Variants in CAMTA1 observed in about 807,000 individuals in gnomAD.
The protein encoded by CAMTA1 is calmodulin binding transcription activator 1, also known as calmodulin-binding transcription activator 1.
A neutral mutation model predicts 170.9 loss-of-function variants in CAMTA1; 27 were observed. The ratio of observed to expected loss-of-function variants is 0.16; its 90% CI spans 0.12 to 0.22. CAMTA1 has a LOEUF of 0.22. Ranked by LOEUF, CAMTA1 falls within the 10% of genes least tolerant of loss-of-function variation. The pLI, the probability that CAMTA1 is intolerant of heterozygous loss-of-function variation, is 1.00. For synonymous variants in CAMTA1, 833 were observed against 891.5 expected (o/e 0.93, Z 1.17); for missense variants, 1,619 against 2,217.2 (o/e 0.73, Z 5.42).
At position 7,593,189 on chromosome 1, in the gene CAMTA1, A is replaced by G. The variant is rs2095368060; in HGVS notation, c.511-47211A>G. On this transcript the variant is annotated intron_variant, in intron 6 of 22. Transcript: ENST00000303635. ...CAGTCAAGACATTCCAGGGGGAGAAACAGCATATCTTGCACAGTGAATCAC... is the reference window on the plus strand; with the variant it reads ...CAGTCAAGACATTCCAGGGGGAGAAGCAGCATATCTTGCACAGTGAATCAC... 3.9e-5 allele frequency among the ~76,000 whole-genome samples: 6 copies of G among 152,254 alleles called. No individual in the cohort carries two copies. The South Asian group carries it at 1.2e-3, about 32-fold the overall frequency.
rs541402630 is a variant in CAMTA1, at chr1:7,449,630, C to T, written c.439-18200C>T. Among the ~76,000 whole-genome samples, 8 of 151,968 alleles carry T rather than the reference C, an allele frequency of 5.3e-5. No homozygotes were observed. The South Asian group carries it at 6.3e-4, about 12-fold the overall frequency. On this transcript the variant is annotated intron_variant, in intron 5 of 22. Coordinates refer to ENST00000303635, the MANE Select transcript of CAMTA1 (RefSeq NM_015215.4). ...ACTGAAAATACAAAAATTAGCTGGG[C>T]GTCATGGTGCATGTCTGTAATCCCA...
intron 6 of CAMTA1, among the ~76,000 whole-genome samples, chr1:7,544,818 G>A (rs2094668063): frequency 1.3e-5 from 2 of 152,152 alleles, no homozygotes; most frequent in Admixed American, 6.5e-5. Flanking sequence ...GGCAAGAGAG[G>A]AAGCAAGAGA....
chr1:7,352,368 C>T (rs1557571539), intron 5 of CAMTA1, among the ~76,000 whole-genome samples: 1 of 152,122 alleles, frequency 6.6e-6, no homozygotes, highest in African/African-American at 2.4e-5. Context: ...TTGGCACCCC[C>T]TAGAAAGGGT....
intron 3 of CAMTA1, among the ~76,000 whole-genome samples, chr1:6,850,341 CT>C (rs1255060163): frequency 2.6e-5 from 4 of 152,144 alleles, no homozygotes; most frequent in Non-Finnish European, 5.9e-5. Flanking sequence ...GTTTAATATC[CT>C]TCATATCTAA....
At chr1:7,265,577 G>A (rs1345352641) in intron 5 of CAMTA1, among the ~76,000 whole-genome samples, 1 of 152,184 alleles carries the variant, frequency 6.6e-6, no homozygotes, top group Admixed American at 6.5e-5. Context: ...GCCTCCTAAA[G>A]TGCTGGGATT....
chr1:6,830,290 C>T (rs572959164), intron 3 of CAMTA1, among the ~76,000 whole-genome samples: 8 of 150,972 alleles, frequency 5.3e-5, no homozygotes, highest in East Asian at 3.9e-4. Context: ...GTGATCCGCC[C>T]GCCTTGGTGT....
chr1:7,148,432 C>G (rs1451608620), intron 4 of CAMTA1, among the ~76,000 whole-genome samples: 2 of 151,980 alleles, frequency 1.3e-5, no homozygotes, highest in Non-Finnish European at 2.9e-5. Flanking sequence ...CCCTCCCCCC[C>G]CGCCACGCTC....
intron 3 of CAMTA1, among the ~76,000 whole-genome samples, chr1:6,844,691 A>G (rs1156367281): frequency 6.8e-5 from 5 of 73,160 alleles, no homozygotes; most frequent in Admixed American, 1.3e-4. Context: ...CCCTGTGTCC[A>G]AAAAAAAAAA....
chr1:7,526,797 G>T (rs1321421587), intron 6 of CAMTA1, among the ~76,000 whole-genome samples: 1 of 152,210 alleles, frequency 6.6e-6, no homozygotes, highest in Non-Finnish European at 1.5e-5. Flanking sequence ...GCTGACATGA[G>T]GAGGCCCTGG....
At position 7,766,613 on chromosome 1, in the gene CAMTA1, A is replaced by C; in HGVS notation, c.*122A>C. 1.2e-6 allele frequency: 1 copy of C among 809,602 alleles called. No individual in the cohort carries two copies. Among genetic ancestry groups the C allele is most frequent in the Non-Finnish European group, 2.1e-6 (1 of 482,694 alleles). The allele number at this position is 809,602 out of a possible 1,614,324, so 50.2% of individuals were successfully genotyped here. On this transcript the variant is annotated 3_prime_UTR_variant, in exon 23 of 23. Transcript: ENST00000303635. ...CACACGCACACACACACACGTACAC[A>C]CACATACAAAATCCCTCTGCAGTTT...
At chr1:7,422,783 A>G (rs970536909) in intron 5 of CAMTA1, among the ~76,000 whole-genome samples, 1 of 152,226 alleles carries the variant, frequency 6.6e-6, no homozygotes, top group Admixed American at 6.5e-5. Flanking sequence ...ACCTGGACAC[A>G]GGGCTCCCTG....
chr1:7,076,005 C>T (rs948691169), intron 3 of CAMTA1, among the ~76,000 whole-genome samples: 4 of 152,244 alleles, frequency 2.6e-5, no homozygotes, highest in Middle Eastern at 3.4e-3. Context: ...GCCTGGTCTT[C>T]GTAGATCATA....
intron 6 of CAMTA1, among the ~76,000 whole-genome samples, chr1:7,586,431 C>G (rs2095310501): frequency 6.6e-6 from 1 of 152,172 alleles, no homozygotes; most frequent in South Asian, 2.1e-4. Flanking sequence ...AGCCTCCAGC[C>G]TGGAGTTCTA....
chr1:7,310,435 C>T (rs1425581936), intron 5 of CAMTA1, among the ~76,000 whole-genome samples: 21 of 152,144 alleles, frequency 1.4e-4, no homozygotes. Context: ...GTCATAGATA[C>T]TGCATAACAG....
intron 3 of CAMTA1, among the ~76,000 whole-genome samples, chr1:6,892,595 T>A (rs1674741161): frequency 7.2e-6 from 1 of 138,982 alleles, no homozygotes; most frequent in East Asian, 2.1e-4. Flanking sequence ...TTTTTTTCTT[T>A]TCTTTTTTTT....
chr1:7,105,296 T>A (rs978283557), intron 4 of CAMTA1, among the ~76,000 whole-genome samples: 3 of 152,266 alleles, frequency 2.0e-5, no homozygotes, highest in Non-Finnish European at 4.4e-5. Flanking sequence ...AATTGTGTTT[T>A]GGAATTAATT....
Position 7,063,071 on chromosome 1 carries a change from C to T in CAMTA1, c.235-28233C>T, listed in dbSNP as rs1288154570. Among the ~76,000 whole-genome samples, 1 of 152,276 alleles carries T rather than the reference C, an allele frequency of 6.6e-6. No individual in the cohort carries two copies. The highest frequency in any genetic ancestry group is 1.5e-5 in the Non-Finnish European group (1 of 68,022). On this transcript the variant is annotated intron_variant, in intron 3 of 22. Coordinates refer to ENST00000303635, the MANE Select transcript of CAMTA1 (RefSeq NM_015215.4). This position sits in a 1 kb window ranked among gnomAD's most constrained non-coding sequence, Gnocchi z 4.3. ...CTTCAACATATCTTTTTGGGGAACA[C>T]GGATTCATTTTTCTCACTTCCCTAA...
At chr1:7,719,062 T>C (rs572415614) in intron 11 of CAMTA1, among the ~76,000 whole-genome samples, 1 of 152,302 alleles carries the variant, frequency 6.6e-6, no homozygotes, top group East Asian at 1.9e-4. Flanking sequence ...TGTTCTCCTC[T>C]TTTGTAGACT....
At chr1:7,389,796 G>A (rs910850321) in intron 5 of CAMTA1, 1 of 153,124 alleles carries the variant, frequency 6.5e-6, no homozygotes, top group Non-Finnish European at 1.5e-5. Context: ...GAGGCCGAGG[G>A]AGGAGGGACC....
Sources: gnomAD v4.1 joint callset for allele counts (sites outside exome capture counted in the v4.1 genomes callset) on GRCh38, gnomAD v4.1.1 for gene constraint, Gnocchi (gnomAD v3.1) non-coding constraint, MANE v1.5 for transcripts, NCBI Gene and HGNC (gene_info 2026-07-23, HGNC 2026-07-21) for gene names.